Variants in RORB observed in about 807,000 individuals in gnomAD.
The protein encoded by RORB is RAR related orphan receptor B.
Under a neutral mutation model 59.1 loss-of-function variants are expected in RORB, and 6 were observed. That is an observed-to-expected ratio of 0.10 (90% CI 0.06 to 0.20). RORB has a LOEUF of 0.20. Among genes scored for constraint, RORB ranks in the 10% least tolerant of loss-of-function variants. RORB has a pLI of 1.00. For missense variants in RORB, 320 were observed against 560.5 expected, an observed-to-expected ratio of 0.57 and a Z score of 4.33; for synonymous variants, 215 against 204.5, an observed-to-expected ratio of 1.05 and a Z score of -0.44.
At chr9:74,626,823 G>T (rs765288332) in intron 1 of RORB, among the ~76,000 whole-genome samples, 2 of 152,216 alleles carry the variant, frequency 1.3e-5, no homozygotes, top group Non-Finnish European at 2.9e-5. Flanking sequence ...GGGATTTGTT[G>T]TTCTAATCAG....
intron 4 of RORB, among the ~76,000 whole-genome samples, chr9:74,644,401 C>T (rs112061597): frequency 6.6e-6 from 1 of 152,182 alleles, no homozygotes; most frequent in Admixed American, 6.5e-5. Context: ...TTACTTTTCA[C>T]GAACATCTTA....
chr9:74,655,149 T>A (rs1227293752), intron 4 of RORB, among the ~76,000 whole-genome samples: 1 of 152,230 alleles, frequency 6.6e-6, no homozygotes, highest in East Asian at 1.9e-4. Context: ...AACAAACCTC[T>A]GTCTCACTGA....
chr9:74,629,187 T>G (rs1326284935), intron 1 of RORB, among the ~76,000 whole-genome samples: 1 of 151,748 alleles, frequency 6.6e-6, no homozygotes, highest in Non-Finnish European at 1.5e-5. Context: ...ACTTATGTAA[T>G]AAGCCATGTT....
At chr9:74,537,267 T>G (rs1193140994) in intron 1 of RORB, among the ~76,000 whole-genome samples, 1 of 152,250 alleles carries the variant, frequency 6.6e-6, no homozygotes, top group African/African-American at 2.4e-5. Context: ...AAAGACTGTG[T>G]ATCCTCTTAT....
At chr9:74,670,413 A>G (rs1824328680) in intron 8 of RORB, among the ~76,000 whole-genome samples, 1 of 152,210 alleles carries the variant, frequency 6.6e-6, no homozygotes, top group Non-Finnish European at 1.5e-5. Flanking sequence ...ATTAAATATG[A>G]ATGATCTATG....
intron 5 of RORB, among the ~76,000 whole-genome samples, chr9:74,661,803 G>A (rs1387240779): frequency 6.6e-6 from 1 of 150,702 alleles, no homozygotes; most frequent in South Asian, 2.1e-4. Flanking sequence ...CCCCCACCAC[G>A]CCCAGCTAAT....
chr9:74,668,915 A>G (rs1645316887), intron 8 of RORB, among the ~76,000 whole-genome samples: 2 of 152,196 alleles, frequency 1.3e-5, no homozygotes, highest in African/African-American at 2.4e-5. Flanking sequence ...AATGACTCAT[A>G]CTGAAGACTG....
intron 1 of RORB, among the ~76,000 whole-genome samples, chr9:74,546,978 C>T (rs571200289): frequency 6.6e-6 from 1 of 152,220 alleles, no homozygotes; most frequent in Non-Finnish European, 1.5e-5. Flanking sequence ...CCTGTAGTCC[C>T]AGCTACTCGG....
chr9:74,615,978 G>T (rs1823306558), intron 1 of RORB, among the ~76,000 whole-genome samples: 1 of 151,866 alleles, frequency 6.6e-6, no homozygotes, highest in African/African-American at 2.4e-5. Flanking sequence ...CTTTGATTTT[G>T]GTCATCAGCA....
At chr9:74,538,448 T>C (rs938855766) in intron 1 of RORB, among the ~76,000 whole-genome samples, 1 of 152,044 alleles carries the variant, frequency 6.6e-6, no homozygotes, top group African/African-American at 2.4e-5. Context: ...AATAAAACTT[T>C]AGGATTTGAA....
At chr9:74,586,169 A>G (rs1184453575) in intron 1 of RORB, among the ~76,000 whole-genome samples, 3 of 152,160 alleles carry the variant, frequency 2.0e-5, no homozygotes, top group East Asian at 3.9e-4. Flanking sequence ...TGTTAATGGC[A>G]TATAAAATCT....
intron 1 of RORB, among the ~76,000 whole-genome samples, chr9:74,600,073 T>A (rs1397660159): frequency 6.6e-6 from 1 of 152,168 alleles, no homozygotes; most frequent in Admixed American, 6.5e-5. Context: ...TAAGGACTAG[T>A]TTCCAATAAT....
At chr9:74,511,307 T>C (rs144685512) in intron 1 of RORB, among the ~76,000 whole-genome samples, 1 of 152,124 alleles carries the variant, frequency 6.6e-6, no homozygotes, top group East Asian at 1.9e-4. Flanking sequence ...AAAAAATAAG[T>C]AAAATGCAAA....
intron 1 of RORB, among the ~76,000 whole-genome samples, chr9:74,549,595 AGG>A (rs1211658739): frequency 1.5e-4 from 10 of 66,736 alleles, no homozygotes; most frequent in African/African-American, 7.7e-4. Flanking sequence ...GAAGGAAGGA[AGG>A]AAGGAAGGAA....
chr9:74,501,852 T>C (rs1180103178), intron 1 of RORB, among the ~76,000 whole-genome samples: 3 of 152,298 alleles, frequency 2.0e-5, no homozygotes, highest in Admixed American at 1.3e-4. Context: ...GAGGAAAATG[T>C]AGATGAAGAA....
chr9:74,591,144 A>C (rs1822884131), intron 1 of RORB, among the ~76,000 whole-genome samples: 1 of 152,212 alleles, frequency 6.6e-6, no homozygotes, highest in Non-Finnish European at 1.5e-5. Context: ...TAGAATGAAA[A>C]GAGGTAACGA....
At chr9:74,606,753 T>C (rs1823155636) in intron 1 of RORB, among the ~76,000 whole-genome samples, 1 of 152,232 alleles carries the variant, frequency 6.6e-6, no homozygotes, top group Non-Finnish European at 1.5e-5. Context: ...GTACCTGTAT[T>C]CTTTCTGACA....
intron 1 of RORB, among the ~76,000 whole-genome samples, chr9:74,534,890 G>T (rs1229598352): frequency 6.6e-6 from 1 of 152,020 alleles, no homozygotes; most frequent in Non-Finnish European, 1.5e-5. Context: ...GGATTTGGCA[G>T]CTGCCAAGCT....
At chr9:74,664,976 G>A (rs528992260) in intron 6 of RORB, among the ~76,000 whole-genome samples, 2 of 152,308 alleles carry the variant, frequency 1.3e-5, no homozygotes, top group South Asian at 2.1e-4. Flanking sequence ...CCTACTATGT[G>A]CCAGAAACTT....
Sources: gnomAD v4.1 joint callset for allele counts (sites outside exome capture counted in the v4.1 genomes callset) on GRCh38, gnomAD v4.1.1 for gene constraint, MANE v1.5 for transcripts, NCBI Gene and HGNC (gene_info 2026-07-23, HGNC 2026-07-21) for gene names.